The following AP4S1 variants were observed in gnomAD, a reference collection of about 807,000 sequenced individuals.
AP4S1 encodes the protein adaptor related protein complex 4 subunit sigma 1.
AP4S1 carries 23 observed loss-of-function variants against 19.8 expected under a neutral mutation model. That is an observed-to-expected ratio of 1.16 (90% CI 0.84 to 1.65). AP4S1 has a LOEUF of 1.65. Among genes scored for constraint, AP4S1 ranks in the 40% most tolerant of loss-of-function variants. The pLI is 0.00. For missense variants in AP4S1, 166 were observed against 172.8 expected (o/e 0.96, Z 0.22); for synonymous variants, 46 against 54.1 (o/e 0.85, Z 0.66).
rs1172427935 is a variant in AP4S1, at chr14:31,093,858, A to C, written c.*823A>C. ...AGACGGAGTCTTGCTCTGTCACCCA[A>C]GCTGGAGTGCAGTGGTGTGATCTCA... On this transcript the variant is annotated 3_prime_UTR_variant, in exon 6 of 6. Transcript: ENST00000542754. 1 of 151,678 alleles carries C rather than the reference A, an allele frequency of 6.6e-6. No individual in the cohort carries two copies. The highest frequency in any genetic ancestry group is 2.4e-5 in the African/African-American group (1 of 41,166). 9.4% of individuals were successfully genotyped at this position (151,678 alleles called of 1,614,324 possible).
intron 1 of AP4S1, among the ~76,000 whole-genome samples, chr14:31,029,849 C>CAA (rs926669591): frequency 2.3e-4 from 32 of 138,282 alleles, no homozygotes; most frequent in South Asian, 1.2e-3. Context: ...CCTTCCCCCA[C>CAA]AAAAAAAAAA....
chr14:31,066,458 T>C (rs1886722508), intron 2 of AP4S1, 124 bp downstream of exon 2: 12 of 1,308,780 alleles, frequency 9.2e-6, no homozygotes, highest in Non-Finnish European at 1.3e-5. Context: ...CTAAAGAAAA[T>C]AAGTGATGTG....
chr14:31,082,236 T>C (rs570069705), intron 5 of AP4S1, among the ~76,000 whole-genome samples: 3 of 152,176 alleles, frequency 2.0e-5, no homozygotes, highest in Non-Finnish European at 4.4e-5. Flanking sequence ...GAAGGGACTA[T>C]AGATCCCTTT....
At chr14:31,026,010 C>A (rs1883872057) in intron 1 of AP4S1, 6 of 1,548,100 alleles carry the variant, frequency 3.9e-6, no homozygotes, top group Non-Finnish European at 5.2e-6. Flanking sequence ...CTGCTGCGGC[C>A]GGGACAGCTC....
At chr14:31,050,361 ATTTG>A (rs373395524) in intron 1 of AP4S1, among the ~76,000 whole-genome samples, 235 of 152,234 alleles carry the variant, frequency 1.5e-3, no homozygotes, top group African/African-American at 5.0e-3. Context: ...TGCCCGGCCT[ATTTG>A]TTTATTTTTT....
chr14:31,056,698 T>C (rs1042051841), intron 1 of AP4S1, among the ~76,000 whole-genome samples: 2 of 152,218 alleles, frequency 1.3e-5, no homozygotes, highest in African/African-American at 4.8e-5. Context: ...TTTGGCATTT[T>C]CCAGATTAAT....
chr14:31,090,487 T>C (rs570881087), intron 5 of AP4S1, among the ~76,000 whole-genome samples: 9 of 152,312 alleles, frequency 5.9e-5, no homozygotes, highest in African/African-American at 1.7e-4. Flanking sequence ...AGGGAGCCCA[T>C]GAAAGAAAAC....
intron 1 of AP4S1, among the ~76,000 whole-genome samples, chr14:31,059,745 A>G (rs1886317497): frequency 6.6e-6 from 1 of 151,944 alleles, no homozygotes; most frequent in African/African-American, 2.4e-5. Context: ...GTGAATGGCC[A>G]CAGGCCTCCC....
rs550994665 is a variant in AP4S1, at chr14:31,059,391, G to A, written c.-71-6735G>A. Among the ~76,000 whole-genome samples the A allele has an allele frequency of 6.6e-5, 10 of 152,158 alleles. No homozygotes were observed. The South Asian group carries it at 1.7e-3, about 25-fold the overall frequency. The stretch of plus-strand genomic sequence containing the variant: ...TGATCCCTTGTTGTAACACCTCAGT[G>A]AGATCTTTTTACATCTCATTTTACC... On this transcript the variant is annotated intron_variant, in intron 1 of 5. Transcript: ENST00000542754.
Position 31,072,965 on chromosome 14 carries a change from A to T in AP4S1, c.286A>T (p.Ser96Cys). The T allele has an allele frequency of 6.2e-7, 1 of 1,613,776 alleles. No individual in the cohort carries two copies. Among genetic ancestry groups the T allele is most frequent in the South Asian group, 1.1e-5 (1 of 91,082 alleles). ...NFVEVLDEYF[S>C]RVSELDIMFN... ...TGTGGAAGTTTTAGATGAGTATTTCAGCCGAGTGGTAAGTCTAATGGCTAA... is the reference window on the plus strand; with the variant it reads ...TGTGGAAGTTTTAGATGAGTATTTCTGCCGAGTGGTAAGTCTAATGGCTAA... Residue 96 changes from serine to cysteine, a missense_variant, in exon 4 of 6, where the codon AGC (serine) becomes TGC (cysteine). Transcript: ENST00000542754.
At chr14:31,081,083 C>T (rs1034922999) in intron 5 of AP4S1, among the ~76,000 whole-genome samples, 2 of 152,126 alleles carry the variant, frequency 1.3e-5, no homozygotes, top group African/African-American at 4.8e-5. Context: ...TGAACCACTG[C>T]GCCTGGCAAG....
intron 5 of AP4S1, chr14:31,086,209 C>A (rs1231254879): frequency 1.3e-5 from 2 of 152,208 alleles, no homozygotes; most frequent in Non-Finnish European, 2.9e-5. Flanking sequence ...CTTGTTCAAA[C>A]TGAGGCTATA....
intron 1 of AP4S1, among the ~76,000 whole-genome samples, chr14:31,045,145 G>T (rs936983225): frequency 6.6e-6 from 1 of 152,044 alleles, no homozygotes; most frequent in Admixed American, 6.6e-5. Context: ...CAAGTGATCC[G>T]CCCGCTTCGG....
At chr14:31,061,056 A>AT (rs137912677) in intron 1 of AP4S1, among the ~76,000 whole-genome samples, 2 of 151,946 alleles carry the variant, frequency 1.3e-5, no homozygotes, top group African/African-American at 4.8e-5. Context: ...CACCCAGATA[A>AT]TTTTTTTGTA....
At chr14:31,045,283 G>A (rs35941434) in intron 1 of AP4S1, among the ~76,000 whole-genome samples, 3 of 151,990 alleles carry the variant, frequency 2.0e-5, no homozygotes, top group African/African-American at 7.2e-5. Context: ...ACCACATACC[G>A]TTTGATATGG....
At chr14:31,062,208 C>T (rs188995267) in intron 1 of AP4S1, among the ~76,000 whole-genome samples, 106 of 152,226 alleles carry the variant, frequency 7.0e-4, no homozygotes, top group Non-Finnish European at 1.2e-3. Flanking sequence ...AAGTGATTCT[C>T]CTGCCTCAGG....
At chr14:31,043,689 A>G (rs1267707770) in intron 1 of AP4S1, among the ~76,000 whole-genome samples, 1 of 152,222 alleles carries the variant, frequency 6.6e-6, no homozygotes, top group East Asian at 1.9e-4. Flanking sequence ...ATTTTGAGGC[A>G]AAGAAACAAT....
At chr14:31,066,099 C>T in intron 1 of AP4S1, 27 bp from the exon 2 acceptor site, 1 of 1,161,924 alleles carries the variant, frequency 8.6e-7, no homozygotes. Flanking sequence ...TCTTGCCTTT[C>T]TGGTTTTGTT....
chr14:31,091,360 T>G (rs1461001875), intron 5 of AP4S1, among the ~76,000 whole-genome samples: 1 of 152,156 alleles, frequency 6.6e-6, no homozygotes, highest in Non-Finnish European at 1.5e-5. Flanking sequence ...CCTTTCTATA[T>G]ATACCTGGCT....
Sources: allele counts gnomAD v4.1 joint callset (sites outside exome capture counted in the v4.1 genomes callset), GRCh38; gene constraint gnomAD v4.1.1; transcripts MANE v1.5; gene names NCBI Gene and HGNC (gene_info 2026-07-23, HGNC 2026-07-21).